EEFSEC: variants seen among roughly 807,000 people sequenced by gnomAD.
The protein encoded by EEFSEC is selenocysteine-specific elongation factor.
Under a neutral mutation model 42.1 loss-of-function variants are expected in EEFSEC, and 43 were observed. The observed-to-expected ratio is 1.02, with a 90% CI of 0.80 to 1.32. The LOEUF is 1.32. Among genes scored for constraint, EEFSEC ranks in the 40% most tolerant of loss-of-function variants. EEFSEC has a pLI of 0.00. For missense variants in EEFSEC, 745 were observed against 803.6 expected, an observed-to-expected ratio of 0.93 and a Z score of 0.88; for synonymous variants, 354 against 339.1, an observed-to-expected ratio of 1.04 and a Z score of -0.48.
chr3:128,267,825 C>T (rs531023228), intron 4 of EEFSEC, among the ~76,000 whole-genome samples: 20 of 152,270 alleles, frequency 1.3e-4, no homozygotes, highest in African/African-American at 4.1e-4. Flanking sequence ...CAAAGTTATG[C>T]GGAGAGCCGT....
At chr3:128,170,555 T>G (rs902409823) in intron 1 of EEFSEC, among the ~76,000 whole-genome samples, 2 of 151,988 alleles carry the variant, frequency 1.3e-5, no homozygotes, top group Non-Finnish European at 2.9e-5. Context: ...GACAGAACCT[T>G]GCCCATAGGT....
At chr3:128,230,463 C>G (rs1185036584) in intron 1 of EEFSEC, among the ~76,000 whole-genome samples, 2 of 152,180 alleles carry the variant, frequency 1.3e-5, no homozygotes, top group Admixed American at 1.3e-4. Flanking sequence ...CCACTGGAGG[C>G]TTTTATATTT....
chr3:128,188,780 C>T (rs1310199597), intron 1 of EEFSEC, among the ~76,000 whole-genome samples: 2 of 152,202 alleles, frequency 1.3e-5, no homozygotes, highest in Admixed American at 1.3e-4. Flanking sequence ...CCCAGGGTTC[C>T]TGGTTCCTTT....
intron 6 of EEFSEC, chr3:128,367,831 C>T: frequency 9.1e-6 from 9 of 985,444 alleles, no homozygotes; most frequent in Non-Finnish European, 1.1e-5. Context: ...TCACCCATTT[C>T]ATCTGGAATG....
chr3:128,252,489 T>C (rs1477192217), intron 2 of EEFSEC, among the ~76,000 whole-genome samples: 3 of 152,184 alleles, frequency 2.0e-5, no homozygotes, highest in Non-Finnish European at 4.4e-5. Flanking sequence ...ACCTGCTGTG[T>C]ACTTGGCACT....
At chr3:128,212,732 C>T (rs2065771507) in intron 1 of EEFSEC, among the ~76,000 whole-genome samples, 1 of 152,134 alleles carries the variant, frequency 6.6e-6, no homozygotes, top group African/African-American at 2.4e-5. Flanking sequence ...ATAGTTTCTA[C>T]CCTCTTTGAG....
At chr3:128,283,447 A>G (rs1033239555) in intron 4 of EEFSEC, among the ~76,000 whole-genome samples, 14 of 152,162 alleles carry the variant, frequency 9.2e-5, no homozygotes, top group Admixed American at 3.3e-4. Flanking sequence ...AGCTGTCAGT[A>G]CTGTCTCCTT....
intron 6 of EEFSEC, among the ~76,000 whole-genome samples, chr3:128,375,862 T>C (rs1359544795): frequency 6.6e-6 from 1 of 152,130 alleles, no homozygotes; most frequent in Non-Finnish European, 1.5e-5. Context: ...GTTGGATGAG[T>C]GAGTGAGTGG....
At chr3:128,322,193 C>A (rs1320592441) in intron 4 of EEFSEC, among the ~76,000 whole-genome samples, 1 of 152,254 alleles carries the variant, frequency 6.6e-6, no homozygotes, top group African/African-American at 2.4e-5. Flanking sequence ...TCTCCTGGGG[C>A]TGTTGCCATG....
At chr3:128,236,442 G>T (rs1345507057) in intron 1 of EEFSEC, among the ~76,000 whole-genome samples, 1 of 152,200 alleles carries the variant, frequency 6.6e-6, no homozygotes, top group East Asian at 1.9e-4. Context: ...CGGTGACACA[G>T]AGTGTCAGCA....
At chr3:128,159,619 C>G (rs1429535907) in intron 1 of EEFSEC, among the ~76,000 whole-genome samples, 1 of 151,568 alleles carries the variant, frequency 6.6e-6, no homozygotes, top group East Asian at 1.9e-4. Context: ...CTGATCCCAT[C>G]AACGATCCCA....
At chr3:128,171,700 C>T (rs1217522999) in intron 1 of EEFSEC, among the ~76,000 whole-genome samples, 1 of 151,990 alleles carries the variant, frequency 6.6e-6, no homozygotes, top group Non-Finnish European at 1.5e-5. Flanking sequence ...AACCATAGGC[C>T]ATGTCTGCTT....
intron 6 of EEFSEC, among the ~76,000 whole-genome samples, chr3:128,402,609 T>C (rs1020588505): frequency 3.3e-5 from 5 of 152,260 alleles, no homozygotes; most frequent in African/African-American, 1.2e-4. Flanking sequence ...TACGAGAGGA[T>C]TCAGTACCTC....
intron 6 of EEFSEC, among the ~76,000 whole-genome samples, chr3:128,399,252 TTCA>T (rs923756610): frequency 6.6e-6 from 1 of 152,154 alleles, no homozygotes; most frequent in African/African-American, 2.4e-5. Flanking sequence ...TTTTGAAGAA[TTCA>T]TCATTGCTGC....
In EEFSEC at chr3:128,153,575, T is replaced by A; in HGVS notation, c.68T>A (p.Leu23Gln). 1.3e-6 allele frequency: 2 copies of A among 1,551,680 alleles called. No homozygotes were observed. The highest frequency in any genetic ancestry group is 8.6e-7 in the Non-Finnish European group (1 of 1,156,340). ...CACATCGACAGCGGCAAGACGGCGC[T>A]GGCGCGGGCGCTAAGCACCACAGCC... ...LGHIDSGKTA[L>Q]ARALSTTAST... The change falls in exon 1 of 7, where the codon CTG (leucine) becomes CAG (glutamine). Residue 23 changes from leucine to glutamine, a missense_variant. Physicochemically the swap from Leu to Gln is moderately radical, Grantham distance 113. Transcript: ENST00000254730.
At chr3:128,257,280 A>G (rs1015782539) in intron 2 of EEFSEC, among the ~76,000 whole-genome samples, 4 of 152,212 alleles carry the variant, frequency 2.6e-5, no homozygotes, top group Non-Finnish European at 4.4e-5. Context: ...TCCCAGAGAA[A>G]GCCTCAGTGA....
intron 1 of EEFSEC, among the ~76,000 whole-genome samples, chr3:128,175,800 G>A (rs1186333768): frequency 2.0e-5 from 3 of 152,226 alleles, no homozygotes; most frequent in Non-Finnish European, 2.9e-5. Context: ...CTGCAGGTAG[G>A]CCTCAGCGTG....
intron 1 of EEFSEC, among the ~76,000 whole-genome samples, chr3:128,224,973 T>C (rs1159612460): frequency 2.0e-5 from 3 of 152,212 alleles, no homozygotes; most frequent in Non-Finnish European, 2.9e-5. Context: ...CTTAGTGAGC[T>C]TTATATTTTA....
At chr3:128,216,407 G>T (rs192436485) in intron 1 of EEFSEC, among the ~76,000 whole-genome samples, 2 of 152,306 alleles carry the variant, frequency 1.3e-5, no homozygotes, top group East Asian at 1.9e-4. Flanking sequence ...GCTCAAGGTG[G>T]CTCTAGTAAA....
Sources: allele counts gnomAD v4.1 joint callset (sites outside exome capture counted in the v4.1 genomes callset), GRCh38; gene constraint gnomAD v4.1.1; transcripts MANE v1.5; gene names NCBI Gene and HGNC (gene_info 2026-07-23, HGNC 2026-07-21).